Variants in SPMIP2 observed in about 807,000 individuals in gnomAD.
The protein encoded by SPMIP2 is sperm microtubule inner protein 2.
At chr4:158,954,414 A>G in the SPMIP2 span, among the ~76,000 whole-genome samples, 1 of 152,176 alleles carries the variant, frequency 6.6e-6, no homozygotes, top group African/African-American at 2.4e-5. Context: ...CTGTAAGTCC[A>G]ATTAAACATC....
At chr4:158,915,166 A>G in the SPMIP2 span, 32 of 1,609,326 alleles carry the variant, frequency 2.0e-5, no homozygotes, top group Non-Finnish European at 2.6e-5. Flanking sequence ...GCAAAACATC[A>G]TACCTTTTCC....
chr4:158,946,315 C>G, the SPMIP2 span, among the ~76,000 whole-genome samples: 1 of 152,194 alleles, frequency 6.6e-6, no homozygotes, highest in Admixed American at 6.5e-5. Flanking sequence ...TCTGTTTGCT[C>G]TCAGTGCTGC....
chr4:159,075,914 A>C, the SPMIP2 span, among the ~76,000 whole-genome samples: 1 of 152,166 alleles, frequency 6.6e-6, no homozygotes, highest in Non-Finnish European at 1.5e-5. Context: ...TTACAGCAGA[A>C]AAAAAACCCT....
the SPMIP2 span, among the ~76,000 whole-genome samples, chr4:158,902,974 C>G: frequency 6.6e-6 from 1 of 152,230 alleles, no homozygotes; most frequent in Non-Finnish European, 1.5e-5. Context: ...GGCTTCAGCC[C>G]CCTTTCCAGG....
At chr4:158,978,318 G>A in the SPMIP2 span, among the ~76,000 whole-genome samples, 7 of 152,206 alleles carry the variant, frequency 4.6e-5, no homozygotes, top group Admixed American at 6.5e-5. Context: ...ATTTGCTGAG[G>A]AGTGTTTTAC....
chr4:158,918,735 G>T, the SPMIP2 span, among the ~76,000 whole-genome samples: 423 of 152,246 alleles, frequency 2.8e-3, 3 homozygotes, highest in African/African-American at 9.7e-3. Context: ...TCAACTGTGG[G>T]GATTTACCCA....
chr4:158,962,445 T>G, the SPMIP2 span, among the ~76,000 whole-genome samples: 2 of 152,226 alleles, frequency 1.3e-5, no homozygotes, highest in Admixed American at 1.3e-4. Context: ...AATGGCAATG[T>G]AATTTGAGAA....
the SPMIP2 span, among the ~76,000 whole-genome samples, chr4:158,974,382 A>C: frequency 6.6e-6 from 1 of 152,186 alleles, no homozygotes; most frequent in African/African-American, 2.4e-5. Context: ...ATAGGTATAC[A>C]TGTGCCATGA....
At chr4:159,021,343 G>A in the SPMIP2 span, among the ~76,000 whole-genome samples, 1 of 152,230 alleles carries the variant, frequency 6.6e-6, no homozygotes, top group Non-Finnish European at 1.5e-5. Flanking sequence ...GGACAACTGT[G>A]AGCCTTCATC....
At chr4:158,915,441 GT>G in the SPMIP2 span, 50 of 1,202,634 alleles carry the variant, frequency 4.2e-5, no homozygotes, top group Middle Eastern at 2.0e-4. Flanking sequence ...AGATTTGTCT[GT>G]TTTTCTAGTA....
the SPMIP2 span, among the ~76,000 whole-genome samples, chr4:159,073,161 T>G: frequency 1.3e-5 from 2 of 152,072 alleles, no homozygotes; most frequent in South Asian, 4.1e-4. Flanking sequence ...TTTCTTTTTG[T>G]TTTTGTTTTG....
the SPMIP2 span, among the ~76,000 whole-genome samples, chr4:158,937,707 G>A: frequency 6.6e-6 from 1 of 152,282 alleles, no homozygotes; most frequent in South Asian, 2.1e-4. Flanking sequence ...TATGTGTTCA[G>A]CCATGTATGA....
At chr4:158,991,226 C>A in the SPMIP2 span, among the ~76,000 whole-genome samples, 1 of 151,888 alleles carries the variant, frequency 6.6e-6, no homozygotes, top group African/African-American at 2.4e-5. Context: ...CGTGTATGGG[C>A]AGACTGGGGA....
chr4:158,911,923 A>G, the SPMIP2 span, among the ~76,000 whole-genome samples: 1 of 152,236 alleles, frequency 6.6e-6, no homozygotes, highest in Non-Finnish European at 1.5e-5. Context: ...AAAAGTGTCT[A>G]TCATATGCAC....
chr4:158,980,231 C>T, the SPMIP2 span, among the ~76,000 whole-genome samples: 2 of 152,162 alleles, frequency 1.3e-5, no homozygotes, highest in Non-Finnish European at 2.9e-5. Flanking sequence ...AAATTCTCCT[C>T]TCCCTGGGAC....
chr4:159,043,274 G>A, the SPMIP2 span, among the ~76,000 whole-genome samples: 1 of 152,204 alleles, frequency 6.6e-6, no homozygotes, highest in Admixed American at 6.5e-5. Flanking sequence ...TGCACAGCCA[G>A]AAACCAACCC....
chr4:158,894,489 T>C, the SPMIP2 span, among the ~76,000 whole-genome samples: 1 of 152,290 alleles, frequency 6.6e-6, no homozygotes, highest in Admixed American at 6.5e-5. Context: ...GTCTAAATGC[T>C]TTGATTTCAC....
At chr4:158,899,112 G>T in the SPMIP2 span, among the ~76,000 whole-genome samples, 1 of 152,164 alleles carries the variant, frequency 6.6e-6, no homozygotes, top group Non-Finnish European at 1.5e-5. Context: ...TAATCATCTG[G>T]TTTTTGTCAC....
the SPMIP2 span, among the ~76,000 whole-genome samples, chr4:159,030,331 G>A: frequency 6.6e-6 from 1 of 151,934 alleles, no homozygotes; most frequent in Non-Finnish European, 1.5e-5. Flanking sequence ...AGGATCACCT[G>A]AGCCCAGGGA....
Sources: allele counts gnomAD v4.1 joint callset (sites outside exome capture counted in the v4.1 genomes callset), GRCh38; gene constraint gnomAD v4.1.1; transcripts MANE v1.5; gene names NCBI Gene and HGNC (gene_info 2026-07-23, HGNC 2026-07-21).